Variants in SGSH observed in about 807,000 individuals in gnomAD.
The protein encoded by SGSH is heparan sulfate sulfatase.
In SGSH, 48 loss-of-function variants were observed where a neutral mutation model predicts 51.0. The ratio of observed to expected loss-of-function variants is 0.94; its 90% CI spans 0.75 to 1.20. The LOEUF (loss-of-function observed/expected upper bound fraction) is 1.20. Ranked by LOEUF, SGSH falls within the 50% of genes most tolerant of loss-of-function variation. SGSH has a pLI of 0.00. For missense variants in SGSH, 662 were observed against 717.8 expected (o/e 0.92, Z 0.89); for synonymous variants, 321 against 313.4 (o/e 1.02, Z -0.26).
Position 80,212,165 on chromosome 17 carries a change from C to G in SGSH, c.855G>C (p.Leu285=), listed in dbSNP as rs377285325. 4 of 1,613,438 alleles carry G rather than the reference C, an allele frequency of 2.5e-6. No individual in the cohort carries two copies. The African/African-American group carries it at 5.3e-5, about 22-fold the overall frequency. Residue 285 remains leucine (L), a synonymous_variant, in exon 7 of 8, where the codon CTG becomes CTC. Transcript: ENST00000326317. This position sits in a 1 kb window ranked among gnomAD's most constrained non-coding sequence, Gnocchi z 5.9. ...GIPFPSGRTN[L]YWPGTAEPLL... ...AGGGTTCAGCAGTGCCCGGCCAGTA[C>G]AGGTTGGTCCTGCCGCTGGGGAAGG...
downstream of SGSH, chr17:80,202,441 C>T (rs1179578947): frequency 3.7e-6 from 6 of 1,604,338 alleles, no homozygotes; most frequent in Middle Eastern, 1.7e-4. Flanking sequence ...GCCTCGAGCT[C>T]GGTGCGTCCC....
downstream of SGSH, chr17:80,201,865 C>T (rs769208715): frequency 1.6e-5 from 26 of 1,612,374 alleles, no homozygotes; most frequent in Admixed American, 6.7e-5. The surrounding 1 kb of genome is among the most constrained non-coding windows in gnomAD (Gnocchi z 5.0). Flanking sequence ...AAGGTCAACA[C>T]GGACGGTACA....
At chr17:80,207,177 G>T (rs971263497), downstream of SGSH, 2 of 854,096 alleles carry the variant, frequency 2.3e-6, no homozygotes, top group East Asian at 5.4e-5. Flanking sequence ...TGTGCTCTGC[G>T]GTTTGCAGGA....
At position 80,210,189 on chromosome 17, in the gene SGSH, T is replaced by C; in HGVS notation, c.*263A>G. On this transcript the variant is annotated 3_prime_UTR_variant, in exon 8 of 8. Coordinates refer to ENST00000326317, the MANE Select transcript of SGSH (RefSeq NM_000199.5). ...CTAGAATTCCCGTGCTGGGACATGGTTCAGACACAAGGACAACTGTGTCCC... is the reference window on the plus strand; with the variant it reads ...CTAGAATTCCCGTGCTGGGACATGGCTCAGACACAAGGACAACTGTGTCCC... 1 of 1,390,410 alleles carries C rather than the reference T, an allele frequency of 7.2e-7. No homozygotes were observed. The allele number at this position is 1,390,410 out of a possible 1,614,324, so 86.1% of individuals were successfully genotyped here. A position where few individuals can be genotyped will look rare whatever the true frequency, so the allele number is the denominator to read the frequency against.
At chr17:80,207,692 A>G (rs2041410244), downstream of SGSH, 1 of 165,692 alleles carries the variant, frequency 6.0e-6, no homozygotes, top group Admixed American at 6.4e-5. Flanking sequence ...GTCACTGGAA[A>G]ATGACATTTT....
At chr17:80,205,271 C>T (rs575002082), downstream of SGSH, 3 of 1,387,298 alleles carry the variant, frequency 2.2e-6, no homozygotes, top group Admixed American at 1.9e-5. Flanking sequence ...CCCCTTCCTC[C>T]CTCCTTCCTC....
intron 1 of SGSH, among the ~76,000 whole-genome samples, chr17:80,217,652 G>A (rs1421706028): frequency 6.8e-6 from 1 of 146,334 alleles, no homozygotes; most frequent in Non-Finnish European, 1.5e-5. Flanking sequence ...GGGTATGTTG[G>A]CAGGTGAGCA....
chr17:80,201,752 C>T (rs148265488), downstream of SGSH: 29 of 1,613,942 alleles, frequency 1.8e-5, 1 homozygote, highest in Admixed American at 1.7e-4. This position sits in a 1 kb window ranked among gnomAD's most constrained non-coding sequence, Gnocchi z 5.0. Flanking sequence ...AGGTTGATTA[C>T]GAAGCCTCAG....
chr17:80,208,441 T>G (rs990296556), downstream of SGSH: 3 of 1,176,484 alleles, frequency 2.5e-6, no homozygotes. Flanking sequence ...AGCTGTGGGC[T>G]CCTTGGCACA....
chr17:80,201,832 A>G (rs755782627), downstream of SGSH: 2 of 1,613,952 alleles, frequency 1.2e-6, no homozygotes, highest in Admixed American at 1.7e-5. The surrounding 1 kb of genome is among the most constrained non-coding windows in gnomAD (Gnocchi z 5.0). Context: ...AGGAGGGTGG[A>G]CGGCTTCTGC....
Position 80,212,699 on chromosome 17 carries a change from G to A in SGSH, c.746-425C>T, listed in dbSNP as rs745482515. The A allele has an allele frequency of 4.0e-5, 12 of 297,096 alleles. No homozygotes were observed. The highest frequency in any genetic ancestry group is 5.3e-5 in the Non-Finnish European group (8 of 151,588). The allele number at this position is 297,096 out of a possible 1,614,324, so 18.4% of individuals were successfully genotyped here. On this transcript the variant is annotated intron_variant, in intron 6 of 7. Transcript: ENST00000326317. This position sits in a 1 kb window ranked among gnomAD's most constrained non-coding sequence, Gnocchi z 5.9. ...CTTCCTCTATACCCGCTCCTTCCCA[G>A]CTCACTAAGAATTAATGGCACCAAT... is the stretch of plus-strand genomic sequence containing the variant.
downstream of SGSH, chr17:80,208,257 G>A (rs2041460345): frequency 2.5e-6 from 4 of 1,588,322 alleles, no homozygotes; most frequent in Admixed American, 7.2e-5. Context: ...GACGGCTGGA[G>A]CGACCTGGAC....
Position 80,214,228 on chromosome 17 carries a change from C to T in SGSH, c.607G>A (p.Gly203Ser), listed in dbSNP as rs369368791. 20 of 1,612,830 alleles carry T rather than the reference C, an allele frequency of 1.2e-5. No homozygotes were observed. The highest frequency in any genetic ancestry group is 4.4e-5 in the South Asian group (4 of 91,022). ...GTCCAGTCTGGGATACGACCCATGC[C>T]GCTCTCTCCGTTGCCAAACTTCTCA... ...FCEKFGNGESGMGRIPDWTPQ... is the reference protein window; with the variant it reads ...FCEKFGNGESSMGRIPDWTPQ... Residue 203 changes from glycine to serine, a missense_variant, in exon 5 of 8, where the codon GGC becomes AGC. Transcript: ENST00000326317.
At chr17:80,208,621 G>A, downstream of SGSH, 1 of 389,376 alleles carries the variant, frequency 2.6e-6, no homozygotes, top group Non-Finnish European at 4.6e-6. Context: ...TCTGCAGTGG[G>A]ACAGGAGGGA....
intron 7 of SGSH, chr17:80,211,776 A>T (rs1451093753): frequency 3.1e-5 from 15 of 486,250 alleles, no homozygotes. Context: ...CAAGCATCCC[A>T]GGTGATTCTG....
chr17:80,211,806 G>A (rs889081070), intron 7 of SGSH: 6 of 541,990 alleles, frequency 1.1e-5, no homozygotes, highest in East Asian at 6.5e-5. Context: ...GGAGGTAGGC[G>A]GGGAAAAGGC....
At chr17:80,216,885 A>G in intron 2 of SGSH, 147 bp downstream of exon 2, 1 of 777,896 alleles carries the variant, frequency 1.3e-6, no homozygotes, top group African/African-American at 1.7e-5. Flanking sequence ...ACTCACAGCC[A>G]TAGGCTGTGC....
intron 7 of SGSH, chr17:80,211,260 G>C: frequency 8.3e-7 from 1 of 1,199,792 alleles, no homozygotes; most frequent in Non-Finnish European, 1.1e-6. Context: ...GACTGGAAAA[G>C]AAGTCTCCTT....
At chr17:80,220,195 G>T (rs1319368097) in intron 1 of SGSH, 31 bp downstream of exon 1, 1 of 1,483,440 alleles carries the variant, frequency 6.7e-7, no homozygotes, top group African/African-American at 1.4e-5. Flanking sequence ...GCCACCGCAG[G>T]TGGGCGTGGG....
Sources: allele counts gnomAD v4.1 joint callset (sites outside exome capture counted in the v4.1 genomes callset), GRCh38; gene constraint gnomAD v4.1.1; non-coding constraint Gnocchi (gnomAD v3.1); transcripts MANE v1.5; gene names NCBI Gene and HGNC (gene_info 2026-07-23, HGNC 2026-07-21).